Variants in TAFA2 observed in about 807,000 individuals in gnomAD.
TAFA2 encodes the protein chemokine-like protein TAFA-2.
TAFA2 carries 7 observed loss-of-function variants against 18.8 expected under a neutral mutation model. The observed-to-expected ratio is 0.37, with a 90% CI of 0.21 to 0.70. The LOEUF is 0.70. Among genes scored for constraint, TAFA2 ranks in the 30% least tolerant of loss-of-function variants. The pLI is 0.53. For synonymous variants in TAFA2, 60 were observed against 54.2 expected, an observed-to-expected ratio of 1.11 and a Z score of -0.47; for missense variants, 122 against 158.1, an observed-to-expected ratio of 0.77 and a Z score of 1.23.
chr12:62,086,698 C>T (rs554974254), intron 1 of TAFA2, among the ~76,000 whole-genome samples: 1 of 151,920 alleles, frequency 6.6e-6, no homozygotes, highest in African/African-American at 2.4e-5. Context: ...TTGCTCATTG[C>T]TGGAGGGAAG....
chr12:62,089,578 G>A (rs1180798317), intron 1 of TAFA2, among the ~76,000 whole-genome samples: 1 of 151,896 alleles, frequency 6.6e-6, no homozygotes, highest in East Asian at 1.9e-4. Context: ...GAAAGGGAGC[G>A]AGCGAGGGAG....
intron 1 of TAFA2, among the ~76,000 whole-genome samples, chr12:62,099,414 C>T (rs1177613006): frequency 6.6e-6 from 1 of 152,040 alleles, no homozygotes; most frequent in East Asian, 1.9e-4. Context: ...AGAGTTATAA[C>T]GCTCCAGAAA....
chr12:61,736,957 C>T lies in TAFA2; in HGVS notation c.384+16665G>A, dbSNP rs145005119. Among the ~76,000 whole-genome samples, 830 of 152,026 alleles carry T rather than the reference C, an allele frequency of 5.5e-3. 9 individuals carry two copies. The highest frequency in any genetic ancestry group is 0.019 in the African/African-American group (789 of 41,494). ...AGAGGTATATATAGATATAGCACTGCACTAATTTCTTCAACTTTCCCATCA... is the reference window on the plus strand; with the variant it reads ...AGAGGTATATATAGATATAGCACTGTACTAATTTCTTCAACTTTCCCATCA... On this transcript the variant is annotated intron_variant, in intron 4 of 4. Transcript: ENST00000416284.
At position 61,935,453 on chromosome 12, in the gene TAFA2, C is replaced by A. The variant is rs183972747; in HGVS notation, c.-1-68027G>T. ...TAGCTATAAGTTTATAAACATCTTA[C>A]CAAGAGTTGATGTGCTACACCACAG... On this transcript the variant is annotated intron_variant, in intron 1 of 4. Transcript: ENST00000416284. Among the ~76,000 whole-genome samples, 368 of 152,256 alleles carry A rather than the reference C, an allele frequency of 2.4e-3. 4 individuals are homozygous for A. The highest frequency in any genetic ancestry group is 8.4e-3 in the African/African-American group (351 of 41,562).
Position 61,752,191 on chromosome 12 carries a change from A to C in TAFA2, c.384+1431T>G, listed in dbSNP as rs552916979. Among the ~76,000 whole-genome samples the C allele has an allele frequency of 2.0e-5, 3 of 152,112 alleles. No homozygotes were observed. In the East Asian group the frequency reaches 5.8e-4, roughly 30 times the overall value. Reference sequence around the variant, plus strand: ...TATCTTCTCCACTGGGCTATTAGGAAGATTAAGTGAGCTAACTCATGTAAA... The same window carrying C: ...TATCTTCTCCACTGGGCTATTAGGACGATTAAGTGAGCTAACTCATGTAAA... On this transcript the variant is annotated intron_variant, in intron 4 of 4. Coordinates refer to ENST00000416284, the MANE Select transcript of TAFA2 (RefSeq NM_178539.5).
chr12:61,877,737 C>G (rs1874917082), intron 1 of TAFA2, among the ~76,000 whole-genome samples: 1 of 152,058 alleles, frequency 6.6e-6, no homozygotes. Context: ...GATATCACTA[C>G]AGTTTAGCAA....
At chr12:62,158,870 A>T (rs2062388545) in intron 1 of TAFA2, among the ~76,000 whole-genome samples, 2 of 152,216 alleles carry the variant, frequency 1.3e-5, no homozygotes, top group African/African-American at 4.8e-5. Flanking sequence ...ACCCAGCACA[A>T]GTGATACAGA....
intron 1 of TAFA2, among the ~76,000 whole-genome samples, chr12:61,983,597 G>A (rs575614763): frequency 4.1e-4 from 63 of 152,074 alleles, no homozygotes; most frequent in African/African-American, 1.3e-3. Context: ...TAGTACAGAC[G>A]GGGTTTCACT....
intron 1 of TAFA2, among the ~76,000 whole-genome samples, chr12:62,050,446 C>A (rs1253031830): frequency 6.6e-6 from 1 of 151,864 alleles, no homozygotes; most frequent in African/African-American, 2.4e-5. Context: ...GTGGCAGGCA[C>A]CTATAGTCAC....
chr12:62,248,521 C>G (rs1449297653), intron 1 of TAFA2, among the ~76,000 whole-genome samples: 2 of 152,132 alleles, frequency 1.3e-5, no homozygotes, highest in Non-Finnish European at 2.9e-5. Context: ...ATGTGTAAAA[C>G]TTATTATTTT....
At chr12:61,948,096 A>T (rs1451552918) in intron 1 of TAFA2, among the ~76,000 whole-genome samples, 4 of 152,132 alleles carry the variant, frequency 2.6e-5, no homozygotes, top group African/African-American at 9.7e-5. Flanking sequence ...CTTTCATTTA[A>T]TCTACACAAG....
chr12:61,726,646 G>C (rs1306389121), intron 4 of TAFA2, among the ~76,000 whole-genome samples: 2 of 151,916 alleles, frequency 1.3e-5, no homozygotes, highest in Non-Finnish European at 2.9e-5. Flanking sequence ...GAGTCCTTAG[G>C]GTTTTCTAGG....
intron 1 of TAFA2, among the ~76,000 whole-genome samples, chr12:61,984,840 C>T (rs1334592825): frequency 6.6e-6 from 1 of 152,138 alleles, no homozygotes; most frequent in African/African-American, 2.4e-5. Context: ...CAAGTAATAT[C>T]TACCAAGTCA....
intron 1 of TAFA2, among the ~76,000 whole-genome samples, chr12:61,902,000 C>G (rs1409727714): frequency 2.0e-5 from 3 of 149,992 alleles, no homozygotes; most frequent in Non-Finnish European, 4.4e-5. Context: ...ACTTAGCTAG[C>G]TATACCTGTG....
chr12:61,814,468 G>A (rs539972978), intron 2 of TAFA2, among the ~76,000 whole-genome samples: 4 of 151,282 alleles, frequency 2.6e-5, no homozygotes, highest in African/African-American at 9.8e-5. Context: ...CTCTGAATCT[G>A]GTCAAGATCT....
intron 1 of TAFA2, among the ~76,000 whole-genome samples, chr12:62,114,289 C>A (rs1181293255): frequency 3.3e-5 from 5 of 152,296 alleles, no homozygotes; most frequent in Admixed American, 2.6e-4. Context: ...TGATGCCCCA[C>A]CCTGCTTTGG....
chr12:61,720,466 A>G (rs1035318757), intron 4 of TAFA2, among the ~76,000 whole-genome samples: 1 of 152,138 alleles, frequency 6.6e-6, no homozygotes, highest in Non-Finnish European at 1.5e-5. Context: ...TATTCAGTGT[A>G]CGGGCCTCAC....
chr12:62,123,931 G>A (rs1460658100), intron 1 of TAFA2, among the ~76,000 whole-genome samples: 3 of 152,048 alleles, frequency 2.0e-5, no homozygotes, highest in Non-Finnish European at 4.4e-5. Context: ...GTAGAGTTAG[G>A]AGGTTACAGA....
chr12:61,925,568 C>T (rs1340719851), intron 1 of TAFA2, among the ~76,000 whole-genome samples: 1 of 152,182 alleles, frequency 6.6e-6, no homozygotes, highest in African/African-American at 2.4e-5. Flanking sequence ...ACCAGAATCT[C>T]TGAAACCAGA....
Sources: gnomAD v4.1 joint callset for allele counts (sites outside exome capture counted in the v4.1 genomes callset) on GRCh38, gnomAD v4.1.1 for gene constraint, MANE v1.5 for transcripts, NCBI Gene and HGNC (gene_info 2026-07-23, HGNC 2026-07-21) for gene names.